The following THSD7A variants were observed in gnomAD, a reference collection of about 807,000 sequenced individuals.
The protein encoded by THSD7A is thrombospondin type-1 domain-containing protein 7A.
A neutral mutation model predicts 231.3 loss-of-function variants in THSD7A; 96 were observed. That is an observed-to-expected ratio of 0.41 (90% CI 0.35 to 0.49). THSD7A has a LOEUF of 0.49. Ranked by LOEUF, THSD7A falls within the 20% of genes least tolerant of loss-of-function variation. The pLI is 0.05. For synonymous variants in THSD7A, 940 were observed against 743.3 expected, an observed-to-expected ratio of 1.26 and a Z score of -4.30; for missense variants, 2,290 against 2,070.2, an observed-to-expected ratio of 1.11 and a Z score of -2.06.
At chr7:11,586,408 C>A (rs1779905932) in intron 4 of THSD7A, among the ~76,000 whole-genome samples, 1 of 152,280 alleles carries the variant, frequency 6.6e-6, no homozygotes, top group South Asian at 2.1e-4. Context: ...AGGATTGCAT[C>A]TGAGAATCTA....
At chr7:11,588,089 G>A (rs970663957) in intron 4 of THSD7A, among the ~76,000 whole-genome samples, 1 of 152,086 alleles carries the variant, frequency 6.6e-6, no homozygotes, top group African/African-American at 2.4e-5. Flanking sequence ...CTTATTAGCT[G>A]GGGGAGTTGT....
At chr7:11,828,179 G>C (rs1785085620) in intron 1 of THSD7A, among the ~76,000 whole-genome samples, 1 of 152,158 alleles carries the variant, frequency 6.6e-6, no homozygotes, top group African/African-American at 2.4e-5. Context: ...ATAAGTTAAA[G>C]TCCAATATCT....
At chr7:11,506,223 C>T (rs745521829) in intron 6 of THSD7A, among the ~76,000 whole-genome samples, 2 of 152,126 alleles carry the variant, frequency 1.3e-5, no homozygotes, top group Admixed American at 6.6e-5. Flanking sequence ...GATCTCCTGA[C>T]CTTGTAATCC....
At chr7:11,565,305 CA>C (rs1233585714) in intron 4 of THSD7A, among the ~76,000 whole-genome samples, 11 of 152,124 alleles carry the variant, frequency 7.2e-5, no homozygotes, top group Non-Finnish European at 1.6e-4. Context: ...AGTATCTAAT[CA>C]AAAAAGTTCT....
chr7:11,525,714 C>T (rs549589345), intron 6 of THSD7A, among the ~76,000 whole-genome samples: 9 of 152,156 alleles, frequency 5.9e-5, no homozygotes, highest in African/African-American at 2.2e-4. Flanking sequence ...TTCAGAGATG[C>T]TACAACATAA....
intron 1 of THSD7A, among the ~76,000 whole-genome samples, chr7:11,779,963 T>G (rs1783571024): frequency 6.6e-6 from 1 of 152,206 alleles, no homozygotes; most frequent in Admixed American, 6.5e-5. Flanking sequence ...TCTGTCTAAA[T>G]TAAGGCTGCT....
intron 11 of THSD7A, among the ~76,000 whole-genome samples, chr7:11,449,353 G>A (rs953144136): frequency 6.6e-6 from 1 of 152,010 alleles, no homozygotes; most frequent in Non-Finnish European, 1.5e-5. Flanking sequence ...TGAGATACCT[G>A]CTATGGGGTC....
At chr7:11,564,896 T>C (rs1031003646) in intron 4 of THSD7A, among the ~76,000 whole-genome samples, 1 of 152,224 alleles carries the variant, frequency 6.6e-6, no homozygotes, top group African/African-American at 2.4e-5. Context: ...AATAGTGGGA[T>C]TGTTCAAAAT....
chr7:11,698,160 T>C (rs1162777110), intron 1 of THSD7A, among the ~76,000 whole-genome samples: 1 of 151,442 alleles, frequency 6.6e-6, no homozygotes, highest in African/African-American at 2.4e-5. Flanking sequence ...CTAAATATGA[T>C]ACGATTATTT....
At chr7:11,544,553 A>AT (rs1562704195) in intron 4 of THSD7A, among the ~76,000 whole-genome samples, 1 of 151,888 alleles carries the variant, frequency 6.6e-6, no homozygotes, top group African/African-American at 2.4e-5. Flanking sequence ...AATTAAAAAA[A>AT]TTTAAACTAC....
chr7:11,581,833 A>G (rs1791179754), intron 4 of THSD7A, among the ~76,000 whole-genome samples: 1 of 152,102 alleles, frequency 6.6e-6, no homozygotes, highest in African/African-American at 2.4e-5. Context: ...TTGAAAAAAT[A>G]TGATTTTTAC....
chr7:11,472,586 G>T (rs1785981462), intron 8 of THSD7A, among the ~76,000 whole-genome samples: 1 of 152,128 alleles, frequency 6.6e-6, no homozygotes, highest in South Asian at 2.1e-4. Context: ...TTGAATGAAG[G>T]CTGCAAGGGT....
Position 11,404,812 on chromosome 7 carries a change from A to T in THSD7A, c.4237+1488T>A, listed in dbSNP as rs1783527821. Among the ~76,000 whole-genome samples, 3 of 152,250 alleles carry T rather than the reference A, an allele frequency of 2.0e-5. No individual in the cohort carries two copies. In the South Asian group the frequency reaches 6.2e-4, roughly 32 times the overall value. The stretch of plus-strand genomic sequence containing the variant: ...GATAAGACCATTTAACATGAGATCT[A>T]CCCACTTAACACATTTTTAGGTATA... On this transcript the variant is annotated intron_variant, in intron 22 of 27. Transcript: ENST00000423059.
intron 1 of THSD7A, among the ~76,000 whole-genome samples, chr7:11,788,127 T>C (rs1408404594): frequency 6.6e-6 from 1 of 152,086 alleles, no homozygotes; most frequent in Non-Finnish European, 1.5e-5. Flanking sequence ...CTGTAACTGA[T>C]CTTTTGCATC....
intron 8 of THSD7A, among the ~76,000 whole-genome samples, chr7:11,473,516 A>G (rs140439651): frequency 0.012 from 1,874 of 152,264 alleles, 35 homozygotes; most frequent in African/African-American, 0.042. Flanking sequence ...ATCATTTCAT[A>G]TCTTACATGG....
At chr7:11,809,740 C>T (rs969010138) in intron 1 of THSD7A, among the ~76,000 whole-genome samples, 5 of 152,196 alleles carry the variant, frequency 3.3e-5, no homozygotes, top group Admixed American at 2.0e-4. Context: ...CTAGGCCTAA[C>T]GTATATACTA....
intron 2 of THSD7A, among the ~76,000 whole-genome samples, chr7:11,615,259 A>T (rs1173552038): frequency 1.3e-5 from 2 of 152,218 alleles, no homozygotes; most frequent in African/African-American, 4.8e-5. Flanking sequence ...ACAAGCAGCC[A>T]CAGAGGTACA....
chr7:11,438,170 T>A (rs1011655441), intron 13 of THSD7A, among the ~76,000 whole-genome samples: 2 of 152,026 alleles, frequency 1.3e-5, no homozygotes, highest in Admixed American at 6.6e-5. Context: ...CATTGAAACA[T>A]GACACCTGCT....
At chr7:11,676,843 C>T (rs1306822730) in intron 1 of THSD7A, among the ~76,000 whole-genome samples, 1 of 152,166 alleles carries the variant, frequency 6.6e-6, no homozygotes, top group Non-Finnish European at 1.5e-5. Context: ...GGAAAACACA[C>T]TGCAGTGTAT....
Sources: allele counts gnomAD v4.1 joint callset (sites outside exome capture counted in the v4.1 genomes callset), GRCh38; gene constraint gnomAD v4.1.1; transcripts MANE v1.5; gene names NCBI Gene and HGNC (gene_info 2026-07-23, HGNC 2026-07-21).